Variants in PRMT3 observed in about 807,000 individuals in gnomAD.
PRMT3 encodes protein arginine methyltransferase 3.
In PRMT3, 62 loss-of-function variants were observed where a neutral mutation model predicts 71.9. That is an observed-to-expected ratio of 0.86 (90% CI 0.70 to 1.07). The LOEUF is 1.07. Ranked by LOEUF, PRMT3 falls within the 50% of genes least tolerant of loss-of-function variation. The probability of loss-of-function intolerance (pLI) is 0.00; values close to 1 mark genes in which losing one functional copy is unlikely to be tolerated. For synonymous variants in PRMT3, 213 were observed against 220.4 expected (o/e 0.97, Z 0.30); for missense variants, 663 against 643.0 (o/e 1.03, Z -0.34).
intron 13 of PRMT3, among the ~76,000 whole-genome samples, chr11:20,479,297 T>C (rs1322940689): frequency 6.6e-6 from 1 of 152,190 alleles, no homozygotes; most frequent in Non-Finnish European, 1.5e-5. Flanking sequence ...TAGTAGCATA[T>C]GCTAGGAGCT....
intron 7 of PRMT3, 65 bp from the exon 8 acceptor site, chr11:20,402,854 T>A: frequency 7.8e-7 from 1 of 1,289,284 alleles, no homozygotes; most frequent in East Asian, 2.3e-5. Flanking sequence ...GGCAAATATC[T>A]CCCTTAAAAA....
intron 7 of PRMT3, among the ~76,000 whole-genome samples, chr11:20,400,673 T>TG (rs1388466160): frequency 3.3e-5 from 5 of 152,160 alleles, no homozygotes; most frequent in African/African-American, 1.2e-4. Context: ...AACATACTGT[T>TG]GCTTGTGTAT....
chr11:20,431,000 G>A (rs559346714), intron 10 of PRMT3, among the ~76,000 whole-genome samples: 2 of 152,160 alleles, frequency 1.3e-5, no homozygotes, highest in South Asian at 4.2e-4. Flanking sequence ...TAATAAAACT[G>A]TTCAAAATAA....
intron 10 of PRMT3, among the ~76,000 whole-genome samples, chr11:20,444,347 G>A (rs61876967): frequency 6.6e-5 from 10 of 151,984 alleles, no homozygotes; most frequent in African/African-American, 1.7e-4. Flanking sequence ...TCTTCTAGGC[G>A]GGATAAAGCA....
At chr11:20,491,327 T>G (rs1368423911) in intron 13 of PRMT3, among the ~76,000 whole-genome samples, 1 of 152,210 alleles carries the variant, frequency 6.6e-6, no homozygotes, top group African/African-American at 2.4e-5. Flanking sequence ...ATCTCAGAGG[T>G]GGCTTGTCTT....
intron 6 of PRMT3, among the ~76,000 whole-genome samples, chr11:20,396,630 T>G (rs910337572): frequency 1.3e-5 from 2 of 151,704 alleles, no homozygotes; most frequent in Middle Eastern, 6.8e-3. Flanking sequence ...AGAGCAAGAC[T>G]TTGTCGGGGT....
chr11:20,416,499 A>C (rs1849308019), intron 9 of PRMT3, among the ~76,000 whole-genome samples: 1 of 152,100 alleles, frequency 6.6e-6, no homozygotes, highest in Non-Finnish European at 1.5e-5. Context: ...GGGACCCAGC[A>C]CATCCTAGGC....
intron 11 of PRMT3, among the ~76,000 whole-genome samples, chr11:20,456,904 G>T (rs1463333096): frequency 4.0e-5 from 6 of 151,870 alleles, no homozygotes; most frequent in Admixed American, 1.3e-4. Flanking sequence ...AATGGAGTCT[G>T]TCCCTGTCAC....
chr11:20,463,115 C>T (rs573796376), intron 12 of PRMT3, among the ~76,000 whole-genome samples: 5 of 152,306 alleles, frequency 3.3e-5, no homozygotes, highest in Middle Eastern at 3.4e-3. Context: ...CCGCCTGCCT[C>T]GGCCTCCCGA....
At chr11:20,473,080 A>G (rs147784109) in intron 13 of PRMT3, among the ~76,000 whole-genome samples, 32 of 152,192 alleles carry the variant, frequency 2.1e-4, no homozygotes, top group African/African-American at 7.5e-4. Flanking sequence ...TGTGGAGACC[A>G]CGGTAATATT....
intron 13 of PRMT3, among the ~76,000 whole-genome samples, chr11:20,489,770 T>G (rs994606948): frequency 2.8e-5 from 4 of 141,802 alleles, no homozygotes; most frequent in East Asian, 2.0e-4. Flanking sequence ...ATTGAAGGGG[T>G]TTTTTTTTTT....
chr11:20,389,676 T>C, intron 2 of PRMT3, 68 bp from the exon 3 acceptor site: 2 of 1,061,488 alleles, frequency 1.9e-6, no homozygotes, highest in Non-Finnish European at 2.8e-6. Flanking sequence ...AAAGTGTATA[T>C]GTAACATGAA....
At chr11:20,393,143 T>G in intron 5 of PRMT3, 144 bp downstream of exon 5, 1 of 625,044 alleles carries the variant, frequency 1.6e-6, no homozygotes, top group Non-Finnish European at 2.8e-6. Flanking sequence ...GTAGAAAAGT[T>G]AAGTTGCTTA....
rs1022382249 is a variant in PRMT3 at position 20,462,072 on chromosome 11, T to A, written c.1165T>A (p.Phe389Ile). 1.2e-6 allele frequency: 2 copies of A among 1,613,392 alleles called. No individual in the cohort carries two copies. The highest frequency in any genetic ancestry group is 3.3e-5 in the Admixed American group (2 of 60,016). ...RIAFWDDVYG[F>I]KMSCMKKAVI... ...TGCTTTTTGGGATGATGTCTATGGC[T>A]TCAAGATGTCCTGCATGAAGAAAGC... The change falls in exon 12 of 16, where the codon TTC becomes ATC. Residue 389 changes from phenylalanine to isoleucine, a missense_variant. By Grantham distance (21) the Phe-to-Ile change is conservative (BLOSUM62 0). Coordinates refer to ENST00000331079, the MANE Select transcript of PRMT3 (RefSeq NM_005788.4).
chr11:20,495,954 T>C (rs1287402570), intron 15 of PRMT3, among the ~76,000 whole-genome samples: 1 of 152,224 alleles, frequency 6.6e-6, no homozygotes, highest in East Asian at 1.9e-4. Context: ...GGCAATAATG[T>C]AGCCAAATGG....
intron 7 of PRMT3, among the ~76,000 whole-genome samples, chr11:20,402,015 A>AT (rs1380948442): frequency 6.6e-6 from 1 of 152,070 alleles, no homozygotes; most frequent in Non-Finnish European, 1.5e-5. Context: ...GTTTAGTGTA[A>AT]TTTTTTGTAT....
intron 13 of PRMT3, among the ~76,000 whole-genome samples, chr11:20,491,427 A>C (rs549838543): frequency 8.5e-5 from 13 of 152,180 alleles, no homozygotes; most frequent in South Asian, 2.1e-4. Flanking sequence ...TATGTTGTGT[A>C]AACTGTGTGT....
chr11:20,498,619 A>G (rs1044223210), intron 15 of PRMT3, among the ~76,000 whole-genome samples: 6 of 152,132 alleles, frequency 3.9e-5, no homozygotes, highest in Non-Finnish European at 8.8e-5. Context: ...AATCCCGGCT[A>G]TTCGGGAGGC....
intron 10 of PRMT3, among the ~76,000 whole-genome samples, chr11:20,438,967 G>T (rs1388869904): frequency 6.6e-6 from 1 of 152,182 alleles, no homozygotes; most frequent in South Asian, 2.1e-4. Flanking sequence ...GTGTAAGGGT[G>T]TAACAGCTGC....
Sources: allele counts gnomAD v4.1 joint callset (sites outside exome capture counted in the v4.1 genomes callset), GRCh38; gene constraint gnomAD v4.1.1; transcripts MANE v1.5; gene names NCBI Gene and HGNC (gene_info 2026-07-23, HGNC 2026-07-21).